The following PCDHGA1 variants were observed in gnomAD, a reference collection of about 807,000 sequenced individuals.
The protein encoded by PCDHGA1 is protocadherin gamma subfamily A, 1.
In PCDHGA1, 32 loss-of-function variants were observed where a neutral mutation model predicts 58.0. The observed-to-expected ratio is 0.55, with a 90% CI of 0.42 to 0.74. PCDHGA1 has a LOEUF of 0.74. Among genes scored for constraint, PCDHGA1 ranks in the 30% least tolerant of loss-of-function variants. The pLI, the probability that PCDHGA1 is intolerant of heterozygous loss-of-function variation, is 0.00. For missense variants in PCDHGA1, 1,205 were observed against 1,182.3 expected (o/e 1.02, Z -0.28); for synonymous variants, 498 against 501.1 (o/e 0.99, Z 0.08).
chr5:141,419,869 G>A, intron 1 of PCDHGA1: 3 of 1,614,072 alleles, frequency 1.9e-6, no homozygotes, highest in South Asian at 1.1e-5. Flanking sequence ...GCTTGCAAGA[G>A]GTACTGCCGG....
intron 1 of PCDHGA1, chr5:141,413,356 C>T: frequency 6.2e-7 from 1 of 1,613,962 alleles, no homozygotes; most frequent in South Asian, 1.1e-5. Context: ...TCTGGCGCCC[C>T]GGGAGCTGGC....
rs779342119 is a variant in PCDHGA1 at position 141,360,661 on chromosome 5, G to A, written c.2421+27556G>A. 5 of 1,613,944 alleles carry A rather than the reference G, an allele frequency of 3.1e-6. No individual in the cohort carries two copies. The highest frequency in any genetic ancestry group is 4.2e-6 in the Non-Finnish European group (5 of 1,179,902). On this transcript the variant is annotated intron_variant, in intron 1 of 3. Coordinates refer to ENST00000517417, the MANE Select transcript of PCDHGA1 (RefSeq NM_018912.3). ...ACAAAGATACCACCTTAATGACAACGAGTACTTTGATCTCGCTGAGAAACA... is the reference window on the plus strand; with the variant it reads ...ACAAAGATACCACCTTAATGACAACAAGTACTTTGATCTCGCTGAGAAACA...
At position 141,408,408 on chromosome 5, in the gene PCDHGA1, G is replaced by A. The variant is rs376957467; in HGVS notation, c.2421+75303G>A. On this transcript the variant is annotated intron_variant, in intron 1 of 3. Coordinates refer to ENST00000517417, the MANE Select transcript of PCDHGA1 (RefSeq NM_018912.3). The stretch of plus-strand genomic sequence containing the variant: ...GTGTCGGCTCGCAAGCTGCGAGTGA[G>A]CGCGGAGAAGCTGCACTTCAGCGTA... 5 of 1,614,080 alleles carry A rather than the reference G, an allele frequency of 3.1e-6. No homozygotes were observed. The Admixed American group carries it at 5.0e-5, about 16-fold the overall frequency.
intron 1 of PCDHGA1, chr5:141,413,201 A>G (rs746209535): frequency 1.9e-6 from 3 of 1,611,954 alleles, no homozygotes; most frequent in Non-Finnish European, 2.5e-6. Context: ...AATCGCTCAA[A>G]GGAATCAAAG....
At chr5:141,340,592 C>G in intron 1 of PCDHGA1, 1 of 1,614,228 alleles carries the variant, frequency 6.2e-7, no homozygotes, top group East Asian at 2.2e-5. Context: ...CGGGAACCCT[C>G]CACTCAGTAG....
In PCDHGA1 at chr5:141,450,775, C is replaced by T. The variant is rs561501224; in HGVS notation, c.2422-44032C>T. ...GTGCCGGGATTACAGGCATGAGCCA[C>T]CGTGCCCGGACCTCATGATTGTATT... On this transcript the variant is annotated intron_variant, in intron 1 of 3. Coordinates refer to ENST00000517417, the MANE Select transcript of PCDHGA1 (RefSeq NM_018912.3). Among the ~76,000 whole-genome samples the T allele has an allele frequency of 2.3e-3, 352 of 151,748 alleles. 1 individual carries two copies. The highest frequency in any genetic ancestry group is 4.5e-3 in the Non-Finnish European group (306 of 67,958).
At chr5:141,392,864 C>T (rs1328545217) in intron 1 of PCDHGA1, 2 of 1,612,536 alleles carry the variant, frequency 1.2e-6, no homozygotes, top group Non-Finnish European at 1.7e-6. Context: ...TCCTGCTGTG[C>T]GCGCTGCTGG....
intron 1 of PCDHGA1, chr5:141,384,711 G>T (rs765373675): frequency 2.5e-6 from 4 of 1,614,160 alleles, no homozygotes; most frequent in Non-Finnish European, 3.4e-6. Flanking sequence ...ACGCCTGGCT[G>T]TCATACCTCC....
At chr5:141,341,337 A>G (rs1561484300) in intron 1 of PCDHGA1, 3 of 1,614,090 alleles carry the variant, frequency 1.9e-6, no homozygotes, top group Non-Finnish European at 2.5e-6. Flanking sequence ...GAGAAAAAGG[A>G]TTTTTTATCA....
At chr5:141,348,000 C>T (rs1288838565) in intron 1 of PCDHGA1, among the ~76,000 whole-genome samples, 1 of 152,188 alleles carries the variant, frequency 6.6e-6, no homozygotes, top group East Asian at 1.9e-4. Flanking sequence ...ATGTCTCAGC[C>T]TCTGCGGGAG....
chr5:141,456,285 G>T (rs2098848223), intron 1 of PCDHGA1, among the ~76,000 whole-genome samples: 1 of 152,134 alleles, frequency 6.6e-6, no homozygotes, highest in Non-Finnish European at 1.5e-5. Flanking sequence ...GCTGAAAAGG[G>T]GCGTCTAATG....
chr5:141,331,740 C>G lies in PCDHGA1; in HGVS notation c.1056C>G (p.Val352=). The change falls in exon 1 of 4, where the codon GTC becomes GTG. Residue 352 remains valine, a synonymous_variant. Transcript: ENST00000517417. The part of the protein sequence containing the change: ...DNAPEVTITS[V]TTAVPENFPP... Reference sequence around the variant, plus strand: ...CCCCAGAAGTGACCATCACCTCTGTCACCACTGCAGTTCCAGAAAACTTTC... The same window carrying G: ...CCCCAGAAGTGACCATCACCTCTGTGACCACTGCAGTTCCAGAAAACTTTC... 1 of 1,614,084 alleles carries G rather than the reference C, an allele frequency of 6.2e-7. No homozygotes were observed. Among genetic ancestry groups the G allele is most frequent in the Non-Finnish European group, 8.5e-7 (1 of 1,180,000 alleles).
At chr5:141,498,803 C>T (rs916966107) in intron 2 of PCDHGA1, among the ~76,000 whole-genome samples, 5 of 151,982 alleles carry the variant, frequency 3.3e-5, no homozygotes, top group African/African-American at 1.2e-4. Flanking sequence ...TGTGGTGGTG[C>T]ACACCTGTAG....
chr5:141,425,962 C>T (rs2096906059), intron 1 of PCDHGA1, among the ~76,000 whole-genome samples: 2 of 152,236 alleles, frequency 1.3e-5, no homozygotes, highest in African/African-American at 2.4e-5. Flanking sequence ...TAGTCCAACA[C>T]ATCAGTCTAA....
intron 1 of PCDHGA1, chr5:141,345,056 T>C (rs768057546): frequency 4.3e-6 from 7 of 1,613,954 alleles, no homozygotes; most frequent in Non-Finnish European, 5.1e-6. Flanking sequence ...TGGATGTGAA[T>C]GACAATGCTC....
intron 1 of PCDHGA1, chr5:141,418,650 T>A (rs764145825): frequency 5.0e-6 from 8 of 1,613,898 alleles, no homozygotes; most frequent in South Asian, 2.2e-5. Flanking sequence ...ATCCTGAGAG[T>A]GAAGGCCACT....
chr5:141,399,807 C>T, intron 1 of PCDHGA1: 1 of 1,613,222 alleles, frequency 6.2e-7, no homozygotes, highest in Non-Finnish European at 8.5e-7. Context: ...GGGTGCTGTA[C>T]CCCGCGCTGG....
chr5:141,421,443 G>A (rs1561793987), intron 1 of PCDHGA1: 4 of 1,614,106 alleles, frequency 2.5e-6, no homozygotes, highest in Non-Finnish European at 2.5e-6. Flanking sequence ...CCAGAGGGAA[G>A]ACACAGCTTT....
rs2099612668 is a variant in PCDHGA1, at chr5:141,485,382, TGA to T, written c.2422-9424_2422-9423del. The T allele has an allele frequency of 6.2e-7, 1 of 1,613,538 alleles. No homozygotes were observed. The highest frequency in any genetic ancestry group is 8.5e-7 in the Non-Finnish European group (1 of 1,179,906). On this transcript the variant is annotated intron_variant, in intron 1 of 3. Coordinates refer to ENST00000517417, the MANE Select transcript of PCDHGA1 (RefSeq NM_018912.3). The surrounding 1 kb of genome is among the most constrained non-coding windows in gnomAD (Gnocchi z 5.7). ...CGCAGGCTGCAGGTCGCTGGAGAGG[TGA>T]ACCAAAGACACTTCCGTGTGGATTT...
Sources: gnomAD v4.1 joint callset for allele counts (sites outside exome capture counted in the v4.1 genomes callset) on GRCh38, gnomAD v4.1.1 for gene constraint, Gnocchi (gnomAD v3.1) non-coding constraint, MANE v1.5 for transcripts, NCBI Gene and HGNC (gene_info 2026-07-23, HGNC 2026-07-21) for gene names.